Variants in ITGA9 observed in about 807,000 individuals in gnomAD.
ITGA9 encodes the protein integrin alpha-9.
Under a neutral mutation model 127.8 loss-of-function variants are expected in ITGA9, and 56 were observed. The ratio of observed to expected loss-of-function variants is 0.44; its 90% CI spans 0.35 to 0.55. The LOEUF is 0.55. Ranked by LOEUF, ITGA9 falls within the 20% of genes least tolerant of loss-of-function variation. ITGA9 has a pLI of 0.00. For missense variants in ITGA9, 1,196 were observed against 1,347.1 expected, an observed-to-expected ratio of 0.89 and a Z score of 1.76; for synonymous variants, 508 against 514.5, an observed-to-expected ratio of 0.99 and a Z score of 0.17.
At chr3:37,470,980 A>G in intron 1 of ITGA9, 27 bp from the exon 2 acceptor site, 2 of 1,613,790 alleles carry the variant, frequency 1.2e-6, no homozygotes, top group East Asian at 2.2e-5. Context: ...GTAGGTTGTG[A>G]CAGAATGCCT....
chr3:37,752,271 T>TC (rs1451335799), intron 23 of ITGA9, among the ~76,000 whole-genome samples: 2 of 152,320 alleles, frequency 1.3e-5, no homozygotes, highest in African/African-American at 2.4e-5. Context: ...AGCAGGGCTT[T>TC]CATTCTGGGG....
chr3:37,788,884 C>T (rs1697071698), intron 26 of ITGA9, among the ~76,000 whole-genome samples: 1 of 152,106 alleles, frequency 6.6e-6, no homozygotes, highest in Non-Finnish European at 1.5e-5. Context: ...GTTTCTACTG[C>T]TGCCTGCCTC....
At chr3:37,551,855 A>C (rs1483051153) in intron 15 of ITGA9, among the ~76,000 whole-genome samples, 3 of 152,234 alleles carry the variant, frequency 2.0e-5, no homozygotes, top group Non-Finnish European at 4.4e-5. Flanking sequence ...TCCGAGACAC[A>C]TCCAAGTGAC....
chr3:37,501,508 C>T (rs1698786718), intron 5 of ITGA9, among the ~76,000 whole-genome samples: 1 of 151,878 alleles, frequency 6.6e-6, no homozygotes, highest in East Asian at 1.9e-4. Flanking sequence ...ATGTGTATAC[C>T]ATGTCGTCTC....
intron 23 of ITGA9, among the ~76,000 whole-genome samples, chr3:37,758,585 G>C (rs889376544): frequency 8.0e-5 from 12 of 149,588 alleles, no homozygotes; most frequent in African/African-American, 3.1e-4. Flanking sequence ...TACATTTCCA[G>C]TAAGGAAAGC....
chr3:37,561,154 G>A (rs1451835020), intron 15 of ITGA9, among the ~76,000 whole-genome samples: 1 of 152,068 alleles, frequency 6.6e-6, no homozygotes, highest in Non-Finnish European at 1.5e-5. Flanking sequence ...GGAATTTTGG[G>A]GGAACACAGT....
chr3:37,736,672 A>G (rs990640833), intron 19 of ITGA9, among the ~76,000 whole-genome samples: 7 of 152,200 alleles, frequency 4.6e-5, no homozygotes, highest in African/African-American at 1.7e-4. Flanking sequence ...ATCACTTCCT[A>G]AGGAGAGCCT....
intron 15 of ITGA9, among the ~76,000 whole-genome samples, chr3:37,583,548 C>G (rs973769550): frequency 3.9e-5 from 6 of 152,148 alleles, no homozygotes; most frequent in African/African-American, 1.4e-4. Flanking sequence ...AATAGCTGTC[C>G]TTCTTCTGAA....
rs1443734820 is a variant in ITGA9, at chr3:37,732,747, G to A, written c.2103G>A (p.Ser701=). The change falls in exon 19 of 28, where the codon TCG becomes TCA. Residue 701 remains serine, a synonymous_variant. Transcript: ENST00000264741. ...GCATCTCCTGTGAGCTGCTGGAATC[G>A]GACTTCCTCAAATGCAGCGTGGGAT... ...EMGISCELLE[S]DFLKCSVGFP... is the part of the protein sequence containing the mutation. 7 of 1,611,282 alleles carry A rather than the reference G, an allele frequency of 4.3e-6. No homozygotes were observed. The African/African-American group carries it at 5.3e-5, about 12-fold the overall frequency.
At chr3:37,782,416 C>G (rs1331020764) in intron 25 of ITGA9, among the ~76,000 whole-genome samples, 1 of 152,208 alleles carries the variant, frequency 6.6e-6, no homozygotes, top group Non-Finnish European at 1.5e-5. Flanking sequence ...GGAACATGTC[C>G]CAGTGACTAC....
At chr3:37,717,985 C>T (rs566215071) in intron 18 of ITGA9, among the ~76,000 whole-genome samples, 3 of 152,314 alleles carry the variant, frequency 2.0e-5, no homozygotes, top group East Asian at 3.9e-4. Flanking sequence ...GTTTCAGCCC[C>T]TGGTGCAACA....
intron 15 of ITGA9, among the ~76,000 whole-genome samples, chr3:37,616,884 A>G (rs1700080212): frequency 6.6e-6 from 1 of 152,222 alleles, no homozygotes; most frequent in Non-Finnish European, 1.5e-5. Flanking sequence ...GGTCTGCTGA[A>G]TACAGCACAC....
In ITGA9 at chr3:37,779,997, G is replaced by A. The variant is rs2125551528; in HGVS notation, c.2763G>A (p.Leu921=). The A allele has an allele frequency of 5.0e-6, 8 of 1,614,036 alleles. No individual in the cohort carries two copies. The highest frequency in any genetic ancestry group is 6.8e-6 in the Non-Finnish European group (8 of 1,179,960). ...GTCGTACTATAGACATTTACATGCT[G>A]CTGAACACAGAAATACTGAAAAAGG... ...EESRTIDIYM[L]LNTEILKKDS... is the part of the protein sequence containing the mutation. Residue 921 remains leucine (L), a synonymous_variant, in exon 25 of 28, where the codon CTG becomes CTA. Transcript: ENST00000264741.
intron 15 of ITGA9, among the ~76,000 whole-genome samples, chr3:37,555,446 A>G (rs180752997): frequency 6.6e-6 from 1 of 152,370 alleles, no homozygotes; most frequent in Non-Finnish European, 1.5e-5. Context: ...TTACTTTTCT[A>G]TACTTTTAAT....
chr3:37,505,145 G>C (rs541419746), intron 6 of ITGA9, among the ~76,000 whole-genome samples: 1 of 152,280 alleles, frequency 6.6e-6, no homozygotes, highest in Admixed American at 6.5e-5. Context: ...TTGTAGGAGG[G>C]AGTGTGGTTA....
intron 5 of ITGA9, among the ~76,000 whole-genome samples, chr3:37,496,776 T>A (rs1461138692): frequency 6.6e-6 from 1 of 152,182 alleles, no homozygotes; most frequent in East Asian, 1.9e-4. Context: ...TATTTTCAGC[T>A]GCTGCTAGGA....
chr3:37,707,932 T>C (rs1480868494), intron 18 of ITGA9, among the ~76,000 whole-genome samples: 1 of 152,160 alleles, frequency 6.6e-6, no homozygotes, highest in African/African-American at 2.4e-5. Flanking sequence ...GGCTACCCCT[T>C]CCCGAGTGCT....
At chr3:37,707,418 T>A (rs979487712) in intron 18 of ITGA9, among the ~76,000 whole-genome samples, 1 of 152,222 alleles carries the variant, frequency 6.6e-6, no homozygotes, top group East Asian at 1.9e-4. Context: ...TTTATTATGT[T>A]TGTGTTCTTC....
chr3:37,673,308 A>T (rs976899714), intron 17 of ITGA9, among the ~76,000 whole-genome samples: 8 of 152,224 alleles, frequency 5.3e-5, no homozygotes, highest in African/African-American at 1.7e-4. Context: ...ATCTGAAAAC[A>T]TGACACATCA....
Sources: gnomAD v4.1 joint callset for allele counts (sites outside exome capture counted in the v4.1 genomes callset) on GRCh38, gnomAD v4.1.1 for gene constraint, MANE v1.5 for transcripts, NCBI Gene and HGNC (gene_info 2026-07-23, HGNC 2026-07-21) for gene names.